Variants in RALYL observed in about 807,000 individuals in gnomAD.
The protein encoded by RALYL is RNA-binding Raly-like protein.
In RALYL, 29 loss-of-function variants were observed where a neutral mutation model predicts 35.1. That is an observed-to-expected ratio of 0.83 (90% confidence interval 0.61 to 1.13). RALYL has a LOEUF of 1.13. RALYL is among the 50% of genes most tolerant of loss of function. The pLI, the probability that RALYL is intolerant of heterozygous loss-of-function variation, is 0.00. For missense variants in RALYL, 359 were observed against 360.4 expected (o/e 1.00, Z 0.03); for synonymous variants, 120 against 127.6 (o/e 0.94, Z 0.40).
intron 1 of RALYL, among the ~76,000 whole-genome samples, chr8:84,244,496 C>T (rs1052114022): frequency 6.6e-6 from 1 of 152,164 alleles, no homozygotes; most frequent in Admixed American, 6.6e-5. Context: ...CTTCTTCCTT[C>T]CAGTTTTCAA....
At chr8:84,861,641 G>T (rs191395885) in intron 5 of RALYL, among the ~76,000 whole-genome samples, 1 of 152,224 alleles carries the variant, frequency 6.6e-6, no homozygotes, top group East Asian at 1.9e-4. Flanking sequence ...ATTTCCCACC[G>T]TAAGTAGTCA....
intron 2 of RALYL, among the ~76,000 whole-genome samples, chr8:84,675,407 G>T (rs1259317358): frequency 6.6e-6 from 1 of 151,956 alleles, no homozygotes; most frequent in Non-Finnish European, 1.5e-5. Flanking sequence ...CTTACAAATG[G>T]CTCCTTAAAT....
At chr8:84,293,598 A>G (rs540155978) in intron 1 of RALYL, among the ~76,000 whole-genome samples, 68 of 152,290 alleles carry the variant, frequency 4.5e-4, no homozygotes, top group Admixed American at 2.0e-3. Flanking sequence ...ACCCATTGTG[A>G]TAACAAAGCT....
At chr8:84,661,149 C>T (rs1030988364) in intron 2 of RALYL, among the ~76,000 whole-genome samples, 2 of 151,906 alleles carry the variant, frequency 1.3e-5, no homozygotes, top group African/African-American at 4.8e-5. Flanking sequence ...AGGATGGTCT[C>T]GATCTCCTGA....
rs201011604 is a variant in RALYL, at chr8:84,493,203, T to A, written c.-23-36096T>A. Among the ~76,000 whole-genome samples, 3 of 152,158 alleles carry A rather than the reference T, an allele frequency of 2.0e-5. No individual in the cohort carries two copies. In the East Asian group the frequency reaches 5.8e-4, roughly 29 times the overall value. On this transcript the variant is annotated intron_variant, in intron 1 of 8. Transcript: ENST00000521268. ...TGTACCCGTGTTAGTTTGCTGAGGA[T>A]GATGGCTTCCAGCTTAATCAATGTC...
At chr8:84,886,662 T>C (rs973886137) in intron 7 of RALYL, among the ~76,000 whole-genome samples, 76 of 152,172 alleles carry the variant, frequency 5.0e-4, no homozygotes, top group African/African-American at 1.8e-3. Context: ...TGTATTATCA[T>C]AGGGGATGAA....
chr8:84,221,419 A>AT (rs1822178153), intron 1 of RALYL, among the ~76,000 whole-genome samples: 1 of 152,048 alleles, frequency 6.6e-6, no homozygotes, highest in Non-Finnish European at 1.5e-5. Context: ...ACACTTTGAT[A>AT]CGAAGTCAGC....
intron 1 of RALYL, among the ~76,000 whole-genome samples, chr8:84,187,588 G>C (rs1812838450): frequency 1.3e-5 from 2 of 151,896 alleles, no homozygotes; most frequent in Non-Finnish European, 2.9e-5. Context: ...AATGATAATT[G>C]GTTTATTTTC....
At chr8:84,503,209 A>G (rs2056857089) in intron 1 of RALYL, among the ~76,000 whole-genome samples, 2 of 151,976 alleles carry the variant, frequency 1.3e-5, no homozygotes, top group East Asian at 1.9e-4. Context: ...GTGCAGTGGT[A>G]GGATCATAGC....
intron 1 of RALYL, among the ~76,000 whole-genome samples, chr8:84,185,940 G>A (rs546240967): frequency 2.0e-5 from 3 of 152,158 alleles, no homozygotes; most frequent in African/African-American, 7.2e-5. Context: ...AAAGTAAGGC[G>A]TGCAATGGGC....
intron 1 of RALYL, among the ~76,000 whole-genome samples, chr8:84,526,396 T>C (rs908801668): frequency 4.6e-5 from 7 of 152,124 alleles, no homozygotes; most frequent in African/African-American, 1.7e-4. Context: ...GAATCTTTAA[T>C]CTCCATTACT....
At chr8:84,893,333 TA>T (rs1276643432) in intron 8 of RALYL, among the ~76,000 whole-genome samples, 1 of 152,156 alleles carries the variant, frequency 6.6e-6, no homozygotes, top group Non-Finnish European at 1.5e-5. Flanking sequence ...TTTTAAAAAA[TA>T]AAAACTACTG....
chr8:84,436,231 G>A (rs760200016), intron 1 of RALYL, among the ~76,000 whole-genome samples: 4 of 152,078 alleles, frequency 2.6e-5, no homozygotes, highest in Admixed American at 6.6e-5. Context: ...CTCCAAGACA[G>A]GCTCAGAACT....
At chr8:84,420,180 T>C (rs2045334876) in intron 1 of RALYL, among the ~76,000 whole-genome samples, 3 of 151,990 alleles carry the variant, frequency 2.0e-5, no homozygotes, top group Admixed American at 2.0e-4. Flanking sequence ...AAAGTGTTCC[T>C]ATTTCTCCAC....
At chr8:84,291,730 T>A (rs1189290516) in intron 1 of RALYL, among the ~76,000 whole-genome samples, 2 of 151,834 alleles carry the variant, frequency 1.3e-5, no homozygotes, top group Non-Finnish European at 2.9e-5. Context: ...TTGTATTTTT[T>A]AAAAAAGACT....
At chr8:84,327,682 A>G (rs2130613959) in intron 1 of RALYL, among the ~76,000 whole-genome samples, 1 of 149,618 alleles carries the variant, frequency 6.7e-6, no homozygotes, top group South Asian at 2.1e-4. Flanking sequence ...CCTTCACAGA[A>G]AAAAAAAAAA....
intron 8 of RALYL, among the ~76,000 whole-genome samples, chr8:84,908,974 C>A (rs1017771308): frequency 1.3e-5 from 2 of 151,922 alleles, no homozygotes; most frequent in Non-Finnish European, 2.9e-5. Flanking sequence ...GAGTTTGATA[C>A]CTCACAATTG....
At chr8:84,791,689 G>A (rs984079222) in intron 3 of RALYL, among the ~76,000 whole-genome samples, 6 of 152,126 alleles carry the variant, frequency 3.9e-5, no homozygotes, top group African/African-American at 1.4e-4. Flanking sequence ...TGAAAGTAGT[G>A]CCAACAAGTT....
At chr8:84,622,614 T>G (rs1268768351) in intron 2 of RALYL, among the ~76,000 whole-genome samples, 3 of 152,158 alleles carry the variant, frequency 2.0e-5, no homozygotes, top group African/African-American at 7.2e-5. Flanking sequence ...TACATATAAT[T>G]ATTCCAGGGA....
Sources: gnomAD v4.1 joint callset for allele counts (sites outside exome capture counted in the v4.1 genomes callset) on GRCh38, gnomAD v4.1.1 for gene constraint, MANE v1.5 for transcripts, NCBI Gene and HGNC (gene_info 2026-07-23, HGNC 2026-07-21) for gene names.